MTPN: variants seen among roughly 807,000 people sequenced by gnomAD.
MTPN encodes myotrophin, also known as granule cell differentiation protein.
Under a neutral mutation model 13.5 loss-of-function variants are expected in MTPN, and 2 were observed. The ratio of observed to expected loss-of-function variants is 0.15; its 90% CI spans 0.06 to 0.47. The LOEUF is 0.47. Ranked by LOEUF, MTPN falls within the 20% of genes least tolerant of loss-of-function variation. The pLI is 0.97. For synonymous variants in MTPN, 46 were observed against 51.7 expected, an observed-to-expected ratio of 0.89 and a Z score of 0.48; for missense variants, 79 against 137.9, an observed-to-expected ratio of 0.57 and a Z score of 2.14.
intron 3 of MTPN, among the ~76,000 whole-genome samples, chr7:135,944,378 G>GA (rs1258885285): frequency 2.6e-5 from 4 of 152,070 alleles, no homozygotes; most frequent in African/African-American, 9.6e-5. Flanking sequence ...GTTAATATTA[G>GA]AAATGTGCAA....
At chr7:135,974,281 C>T (rs1799740397) in intron 1 of MTPN, among the ~76,000 whole-genome samples, 1 of 152,122 alleles carries the variant, frequency 6.6e-6, no homozygotes, top group African/African-American at 2.4e-5. Flanking sequence ...AGTGCTTTCA[C>T]ACCTGTAATC....
chr7:135,940,471 C>T (rs1444359499), intron 3 of MTPN, among the ~76,000 whole-genome samples: 1 of 152,112 alleles, frequency 6.6e-6, no homozygotes, highest in African/African-American at 2.4e-5. Flanking sequence ...TTGTTACCTC[C>T]CTTACATTTT....
intron 3 of MTPN, among the ~76,000 whole-genome samples, 184 bp from the exon 4 acceptor site, chr7:135,930,196 C>A (rs1430559318): frequency 6.6e-6 from 1 of 152,098 alleles, no homozygotes; most frequent in Non-Finnish European, 1.5e-5. Flanking sequence ...ATAAAAATGC[C>A]ACATTATTTT....
chr7:135,969,537 C>T lies in MTPN; in HGVS notation c.72+7492G>A, dbSNP rs528946154. The stretch of plus-strand genomic sequence containing the variant: ...AGAACTGTCAAAAAAAAAGTATACA[C>T]TTATTTCATGCCTTACTTCAAAATA... On this transcript the variant is annotated intron_variant, in intron 1 of 3. Coordinates refer to ENST00000393085, the MANE Select transcript of MTPN (RefSeq NM_145808.4). 1.7e-4 allele frequency among the ~76,000 whole-genome samples: 25 copies of T among 149,308 alleles called. 1 individual carries two copies. The South Asian group carries it at 5.2e-3, about 31-fold the overall frequency.
chr7:135,956,255 G>A (rs527265368), intron 1 of MTPN, among the ~76,000 whole-genome samples: 5 of 152,184 alleles, frequency 3.3e-5, no homozygotes, highest in East Asian at 3.9e-4. Flanking sequence ...CCCTGCCTCC[G>A]GCCTATACTT....
At chr7:135,976,924 T>TCCAGC in intron 1 of MTPN, 105 bp downstream of exon 1, 1 of 724,844 alleles carries the variant, frequency 1.4e-6, no homozygotes, top group Non-Finnish European at 2.5e-6. Flanking sequence ...AGGAAGTCTC[T>TCCAGC]CCTCCCGCCC....
chr7:135,968,038 C>T (rs1663225634), intron 1 of MTPN, among the ~76,000 whole-genome samples: 1 of 152,084 alleles, frequency 6.6e-6, no homozygotes, highest in Admixed American at 6.6e-5. Context: ...GTGATAGATC[C>T]TCCTGCCTTG....
At chr7:135,942,184 C>A (rs897365165) in intron 3 of MTPN, among the ~76,000 whole-genome samples, 2 of 152,010 alleles carry the variant, frequency 1.3e-5, no homozygotes, top group Admixed American at 1.3e-4. Context: ...CTACTGTGCC[C>A]GGCCGCTGTT....
At chr7:135,950,913 GACCTCA>G (rs1799355984) in intron 2 of MTPN, among the ~76,000 whole-genome samples, 1 of 152,100 alleles carries the variant, frequency 6.6e-6, no homozygotes, top group African/African-American at 2.4e-5. Flanking sequence ...GCAGGGCTTT[GACCTCA>G]GCTCAAATCT....
chr7:135,927,518 T>C lies in MTPN; in HGVS notation c.*2408A>G. On this transcript the variant is annotated 3_prime_UTR_variant, in exon 4 of 4. Transcript: ENST00000393085. The stretch of plus-strand genomic sequence containing the variant: ...TATTACTTCAGTGGAGAACAAAACT[T>C]ACTTAACCTTTCGCTAATGCATGTA... 9.2e-7 allele frequency: 1 copy of C among 1,081,578 alleles called. No homozygotes were observed. The highest frequency in any genetic ancestry group is 1.3e-6 in the Non-Finnish European group (1 of 743,220). The allele number at this position is 1,081,578 out of a possible 1,614,324, so 67.0% of individuals were successfully genotyped here.
At chr7:135,935,025 A>T (rs1799093077) in intron 3 of MTPN, among the ~76,000 whole-genome samples, 1 of 152,130 alleles carries the variant, frequency 6.6e-6, no homozygotes, top group African/African-American at 2.4e-5. Context: ...CCCAAAATGA[A>T]TCTGTAATCT....
At chr7:135,961,853 A>C (rs879657509) in intron 1 of MTPN, among the ~76,000 whole-genome samples, 16 of 152,118 alleles carry the variant, frequency 1.1e-4, no homozygotes, top group Non-Finnish European at 1.6e-4. Context: ...GTACATGATA[A>C]AGTGATAAAG....
intron 1 of MTPN, among the ~76,000 whole-genome samples, chr7:135,952,451 T>C (rs1485635301): frequency 1.3e-5 from 2 of 152,232 alleles, no homozygotes; most frequent in Non-Finnish European, 2.9e-5. Flanking sequence ...ACACCCATTA[T>C]TTCTAATCTT....
At chr7:135,972,215 ACACGCG>A (rs998879937) in intron 1 of MTPN, among the ~76,000 whole-genome samples, 1 of 85,968 alleles carries the variant, frequency 1.2e-5, no homozygotes, top group African/African-American at 4.4e-5. Context: ...ACACACGCGC[ACACGCG>A]CACGCGCGCG....
chr7:135,972,924 G>A (rs902087300), intron 1 of MTPN, among the ~76,000 whole-genome samples: 1 of 151,868 alleles, frequency 6.6e-6, no homozygotes, highest in Non-Finnish European at 1.5e-5. Context: ...GGTCAGGGAG[G>A]ATGAAAGAAC....
intron 3 of MTPN, among the ~76,000 whole-genome samples, chr7:135,931,950 A>G (rs1456153254): frequency 6.6e-6 from 1 of 152,320 alleles, no homozygotes; most frequent in Admixed American, 6.5e-5. Flanking sequence ...TTGTGTTAGA[A>G]CATTCTAATT....
At chr7:135,944,760 A>T (rs915054309) in intron 3 of MTPN, among the ~76,000 whole-genome samples, 1 of 152,236 alleles carries the variant, frequency 6.6e-6, no homozygotes, top group Non-Finnish European at 1.5e-5. Flanking sequence ...CTATATTAAG[A>T]TGTCCAATTA....
At position 135,929,783 on chromosome 7, in the gene MTPN, A is replaced by T; in HGVS notation, c.*143T>A. The T allele has an allele frequency of 1.3e-6, 1 of 783,322 alleles. No homozygotes were observed. 48.5% of individuals were successfully genotyped at this position (783,322 alleles called of 1,614,324 possible). A position where few individuals can be genotyped will look rare whatever the true frequency, so the allele number is the denominator to read the frequency against. On this transcript the variant is annotated 3_prime_UTR_variant, in exon 4 of 4. Coordinates refer to ENST00000393085, the MANE Select transcript of MTPN (RefSeq NM_145808.4). ...ACAATTTTTTTTTTCTGGTAGTCGG[A>T]TTTGTTATGAATTTCTCTCTCCCCT...
At chr7:135,975,327 A>G (rs975098924) in intron 1 of MTPN, among the ~76,000 whole-genome samples, 4 of 152,214 alleles carry the variant, frequency 2.6e-5, no homozygotes, top group Non-Finnish European at 5.9e-5. Flanking sequence ...CGCTTTCACA[A>G]TTAGATCTTA....
Sources: gnomAD v4.1 joint callset for allele counts (sites outside exome capture counted in the v4.1 genomes callset) on GRCh38, gnomAD v4.1.1 for gene constraint, MANE v1.5 for transcripts, NCBI Gene and HGNC (gene_info 2026-07-23, HGNC 2026-07-21) for gene names.